The following RALGPS1 variants were observed in gnomAD, a reference collection of about 807,000 sequenced individuals.
The protein encoded by RALGPS1 is Ral GEF with PH domain and SH3 binding motif 1, also known as ras-specific guanine nucleotide-releasing factor RalGPS1.
Under a neutral mutation model 78.8 loss-of-function variants are expected in RALGPS1, and 19 were observed. The observed-to-expected ratio is 0.24, with a 90% CI of 0.17 to 0.35. The LOEUF is 0.35. Among genes scored for constraint, RALGPS1 ranks in the 10% least tolerant of loss-of-function variants. RALGPS1 has a pLI of 1.00. For missense variants in RALGPS1, 454 were observed against 688.3 expected (o/e 0.66, Z 3.81); for synonymous variants, 228 against 256.3 (o/e 0.89, Z 1.06).
At chr9:126,967,418 T>G (rs540366076) in intron 3 of RALGPS1, among the ~76,000 whole-genome samples, 1 of 152,378 alleles carries the variant, frequency 6.6e-6, no homozygotes, top group Non-Finnish European at 1.5e-5. Flanking sequence ...CACTCTGTGT[T>G]CAAATGTCTG....
intron 10 of RALGPS1, among the ~76,000 whole-genome samples, chr9:127,169,895 C>T (rs1023133445): frequency 1.3e-5 from 2 of 152,056 alleles, no homozygotes; most frequent in African/African-American, 2.4e-5. Context: ...CTATGGTGTT[C>T]GGTAGGTTAA....
chr9:126,958,142 A>AATAAATATATATATATATATATATAT lies in RALGPS1; in HGVS notation c.-65-4080_-65-4079insAATATATATATATATATATATATATA, dbSNP rs1554765219. On this transcript the variant is annotated intron_variant, in intron 1 of 18. Coordinates refer to ENST00000259351, the MANE Select transcript of RALGPS1 (RefSeq NM_014636.3). ...CTGTCTCTTTAAAAAAAAAAAAAAA[A>AATAAATATATATATATATATATATAT]ATATATATATATATATACACACACA... is the stretch of plus-strand genomic sequence containing the variant. Among the ~76,000 whole-genome samples the AATAAATATATATATATATATATATAT allele has an allele frequency of 1.0e-3, 80 of 77,076 alleles. 1 individual carries two copies. Among genetic ancestry groups the AATAAATATATATATATATATATATAT allele is most frequent in the African/African-American group, 3.0e-3 (73 of 24,608 alleles). The allele number at this position is 77,076 out of a possible 152,430, so 50.6% of individuals were successfully genotyped here.
intron 8 of RALGPS1, among the ~76,000 whole-genome samples, chr9:127,150,089 A>T (rs1448660501): frequency 1.3e-5 from 2 of 152,210 alleles, no homozygotes; most frequent in Admixed American, 1.3e-4. Flanking sequence ...TTGAACAAGC[A>T]ACTTAGCCTC....
intron 4 of RALGPS1, among the ~76,000 whole-genome samples, chr9:127,012,447 T>C (rs1488427700): frequency 1.3e-5 from 2 of 152,200 alleles, no homozygotes; most frequent in Admixed American, 1.3e-4. Flanking sequence ...CCTTCCCTCC[T>C]CTTGGACCTG....
At chr9:127,098,067 C>T (rs981331778) in intron 8 of RALGPS1, among the ~76,000 whole-genome samples, 4 of 152,182 alleles carry the variant, frequency 2.6e-5, no homozygotes, top group African/African-American at 4.8e-5. Context: ...TTCACCCCCC[C>T]AACTAATTCC....
At chr9:127,144,619 A>C (rs1338035400) in intron 8 of RALGPS1, among the ~76,000 whole-genome samples, 1 of 152,256 alleles carries the variant, frequency 6.6e-6, no homozygotes, top group Non-Finnish European at 1.5e-5. Context: ...CCAAAGGATG[A>C]ATAGATAAAC....
chr9:127,061,002 A>G (rs2049164549), intron 7 of RALGPS1, among the ~76,000 whole-genome samples: 1 of 152,226 alleles, frequency 6.6e-6, no homozygotes, highest in East Asian at 1.9e-4. Flanking sequence ...GAGTGAAGGA[A>G]AGAGACTGAG....
rs148870308 is a variant in RALGPS1 at position 127,058,065 on chromosome 9, A to C, written c.483+5126A>C. On this transcript the variant is annotated intron_variant, in intron 7 of 18. Coordinates refer to ENST00000259351, the MANE Select transcript of RALGPS1 (RefSeq NM_014636.3). Reference sequence around the variant, plus strand: ...TTCAGTCAAGGCCTGAATGACAAAAAAGAACCAGTCGTGCCAAGATGAGGG... The same window carrying C: ...TTCAGTCAAGGCCTGAATGACAAAACAGAACCAGTCGTGCCAAGATGAGGG... Among the ~76,000 whole-genome samples the C allele has an allele frequency of 6.4e-3, 975 of 152,296 alleles. 10 individuals carry two copies. The highest frequency in any genetic ancestry group is 0.01 in the Middle Eastern group (3 of 294).
intron 8 of RALGPS1, among the ~76,000 whole-genome samples, chr9:127,112,555 G>T (rs2054945801): frequency 6.6e-6 from 1 of 152,240 alleles, no homozygotes; most frequent in African/African-American, 2.4e-5. Context: ...ACTATTTATG[G>T]TTGAGTTCTA....
intron 5 of RALGPS1, among the ~76,000 whole-genome samples, chr9:127,047,336 T>C (rs562004209): frequency 6.6e-6 from 1 of 152,354 alleles, no homozygotes; most frequent in African/African-American, 2.4e-5. Context: ...TATTCACTTA[T>C]AAAAATCTTG....
intron 11 of RALGPS1, among the ~76,000 whole-genome samples, chr9:127,188,333 C>T (rs1564753471): frequency 6.6e-6 from 1 of 152,140 alleles, no homozygotes; most frequent in Non-Finnish European, 1.5e-5. Flanking sequence ...CTGATGACCA[C>T]ATGGAACCCC....
intron 1 of RALGPS1, among the ~76,000 whole-genome samples, chr9:126,941,894 T>C (rs1474551560): frequency 6.6e-6 from 1 of 152,238 alleles, no homozygotes; most frequent in Non-Finnish European, 1.5e-5. Context: ...TCAGTAGCTT[T>C]CCTGGAACAT....
At chr9:126,915,753 C>T (rs1391139961) in intron 1 of RALGPS1, among the ~76,000 whole-genome samples, 2 of 144,406 alleles carry the variant, frequency 1.4e-5, no homozygotes, top group Non-Finnish European at 3.0e-5. Flanking sequence ...TTTCCTGTTG[C>T]TATTGAAGGG....
intron 11 of RALGPS1, among the ~76,000 whole-genome samples, chr9:127,184,814 A>T (rs1000741468): frequency 6.6e-6 from 1 of 152,222 alleles, no homozygotes; most frequent in African/African-American, 2.4e-5. Flanking sequence ...TTGTGACTCC[A>T]AGCTGAGTAG....
chr9:126,983,608 G>A (rs1220228399), intron 4 of RALGPS1, among the ~76,000 whole-genome samples: 2 of 152,104 alleles, frequency 1.3e-5, no homozygotes, highest in Non-Finnish European at 2.9e-5. Context: ...CCCACTAATA[G>A]CAGTGACAAT....
At chr9:127,025,255 T>C (rs1172606111) in intron 4 of RALGPS1, among the ~76,000 whole-genome samples, 1 of 152,248 alleles carries the variant, frequency 6.6e-6, no homozygotes, top group Non-Finnish European at 1.5e-5. Flanking sequence ...TGAGTAGTAT[T>C]GGATTATATG....
In RALGPS1 at chr9:127,205,882, G is replaced by A. The variant is rs1463795156; in HGVS notation, c.1248-6249G>A. On this transcript the variant is annotated intron_variant, in intron 14 of 18. Transcript: ENST00000259351. This position sits in a 1 kb window ranked among gnomAD's most constrained non-coding sequence, Gnocchi z 4.0. ...CTGGCATACCTGGCTTGGATCACTG[G>A]TGTTGCCCTGTCCACTTAGCTGTCA... Among the ~76,000 whole-genome samples, 1 of 152,206 alleles carries A rather than the reference G, an allele frequency of 6.6e-6. No homozygotes were observed. Among genetic ancestry groups the A allele is most frequent in the Non-Finnish European group, 1.5e-5 (1 of 68,040 alleles).
chr9:127,119,856 A>G (rs1167896338), intron 8 of RALGPS1, among the ~76,000 whole-genome samples: 1 of 152,166 alleles, frequency 6.6e-6, no homozygotes, highest in East Asian at 1.9e-4. Context: ...TGCTCATCCT[A>G]AGCTGCCCAG....
rs1250861366 is a variant in RALGPS1, at chr9:127,219,031, G to C, written c.*262G>C. 1 of 541,926 alleles carries C rather than the reference G, an allele frequency of 1.8e-6. No individual in the cohort carries two copies. Among genetic ancestry groups the C allele is most frequent in the Non-Finnish European group, 3.3e-6 (1 of 299,862 alleles). 33.6% of individuals were successfully genotyped at this position (541,926 alleles called of 1,614,324 possible). On this transcript the variant is annotated 3_prime_UTR_variant, in exon 19 of 19. Coordinates refer to ENST00000259351, the MANE Select transcript of RALGPS1 (RefSeq NM_014636.3). This position sits in a 1 kb window ranked among gnomAD's most constrained non-coding sequence, Gnocchi z 5.0. Reference sequence around the variant, plus strand: ...TGGTCAGACCCCACACGCCCTCTCTGGGCCCACCACCTGCATCTGCGACTA... The same window carrying C: ...TGGTCAGACCCCACACGCCCTCTCTCGGCCCACCACCTGCATCTGCGACTA...
Sources: allele counts gnomAD v4.1 joint callset (sites outside exome capture counted in the v4.1 genomes callset), GRCh38; gene constraint gnomAD v4.1.1; non-coding constraint Gnocchi (gnomAD v3.1); transcripts MANE v1.5; gene names NCBI Gene and HGNC (gene_info 2026-07-23, HGNC 2026-07-21).